The following DCBLD2 variants were observed in gnomAD, a reference collection of about 807,000 sequenced individuals.
DCBLD2 encodes discoidin, CUB and LCCL domain containing 2, also known as discoidin, CUB and LCCL domain-containing protein 2.
DCBLD2 carries 54 observed loss-of-function variants against 86.8 expected under a neutral mutation model. That is an observed-to-expected ratio of 0.62 (90% CI 0.50 to 0.78). DCBLD2 has a LOEUF of 0.78. Ranked by LOEUF, DCBLD2 falls within the 30% of genes least tolerant of loss-of-function variation. The pLI is 0.00. For missense variants in DCBLD2, 908 were observed against 954.2 expected, an observed-to-expected ratio of 0.95 and a Z score of 0.64; for synonymous variants, 354 against 341.3, an observed-to-expected ratio of 1.04 and a Z score of -0.41.
chr3:98,839,102 CTTCT>C (rs148957784), intron 3 of DCBLD2, among the ~76,000 whole-genome samples: 1,381 of 126,022 alleles, frequency 0.011, 20 homozygotes, highest in African/African-American at 0.031. Context: ...CCTGTGCTCC[CTTCT>C]TTCTTTCTTT....
intron 3 of DCBLD2, among the ~76,000 whole-genome samples, chr3:98,830,231 C>T (rs1318873483): frequency 1.3e-5 from 2 of 152,166 alleles, no homozygotes; most frequent in African/African-American, 2.4e-5. Context: ...TACAGAAGCT[C>T]TTAATTTTAA....
intron 3 of DCBLD2, among the ~76,000 whole-genome samples, chr3:98,826,362 C>T (rs1407583110): frequency 1.3e-5 from 2 of 152,186 alleles, no homozygotes; most frequent in African/African-American, 2.4e-5. Flanking sequence ...GCTGCTCTCT[C>T]GACTTGTAAG....
intron 9 of DCBLD2, chr3:98,815,680 T>G (rs1242418135): frequency 6.6e-6 from 1 of 152,080 alleles, no homozygotes; most frequent in Non-Finnish European, 1.5e-5. Flanking sequence ...GAGAAAAGCA[T>G]GAGCATGTAA....
intron 13 of DCBLD2, among the ~76,000 whole-genome samples, chr3:98,802,214 C>G (rs946714190): frequency 1.4e-4 from 22 of 152,092 alleles, no homozygotes; most frequent in Non-Finnish European, 2.6e-4. Flanking sequence ...CTCTCCAGCA[C>G]CTGTTGTTTC....
At chr3:98,800,970 C>A (rs952686821) in intron 14 of DCBLD2, among the ~76,000 whole-genome samples, 1 of 151,732 alleles carries the variant, frequency 6.6e-6, no homozygotes, top group Admixed American at 6.6e-5. Flanking sequence ...GATACAGTAT[C>A]TATTTTAGGG....
chr3:98,808,242 G>A (rs1206239805), intron 12 of DCBLD2, 68 bp from the exon 13 acceptor site: 3 of 1,352,276 alleles, frequency 2.2e-6, no homozygotes, highest in African/African-American at 1.5e-5. Flanking sequence ...AATCACTAGG[G>A]AAAATTAACC....
Position 98,811,225 on chromosome 3 carries a change from T to C in DCBLD2, c.1545A>G (p.Arg515=). The change falls in exon 12 of 16, where the codon AGA becomes AGG. Residue 515 remains arginine, a synonymous_variant. Coordinates refer to ENST00000326840, the MANE Select transcript of DCBLD2 (RefSeq NM_080927.4). ...TTACATTTGGAGTTACGGTAGTATT[T>C]CTGATATCAGGACTGGCAGTTGTTT... The part of the protein sequence containing the change: ...TEQTTASPDI[R]NTTVTPNVTK... The C allele has an allele frequency of 6.2e-7, 1 of 1,611,508 alleles. No homozygotes were observed.
intron 5 of DCBLD2, 41 bp downstream of exon 5, chr3:98,822,628 A>T: frequency 2.0e-6 from 3 of 1,512,308 alleles, no homozygotes; most frequent in Non-Finnish European, 2.7e-6. Flanking sequence ...AAAAAAATAG[A>T]GTTATATCAC....
intron 3 of DCBLD2, among the ~76,000 whole-genome samples, chr3:98,830,414 T>C (rs2107457926): frequency 6.6e-6 from 1 of 152,336 alleles, no homozygotes; most frequent in Non-Finnish European, 1.5e-5. Context: ...GATTTTTGGA[T>C]ATGATATAAG....
At position 98,867,508 on chromosome 3, in the gene DCBLD2, C is replaced by T. The variant is rs186624079; in HGVS notation, c.433+14032G>A. On this transcript the variant is annotated intron_variant, in intron 2 of 15. Transcript: ENST00000326840. Reference sequence around the variant, plus strand: ...AATCATTAAATAAGAAGTATTAAAACTATAATCCAATTCAATTTTCTAGAA... The same window carrying T: ...AATCATTAAATAAGAAGTATTAAAATTATAATCCAATTCAATTTTCTAGAA... Among the ~76,000 whole-genome samples the T allele has an allele frequency of 3.7e-3, 558 of 152,168 alleles. 3 individuals are homozygous for T. The highest frequency in any genetic ancestry group is 0.013 in the African/African-American group (529 of 41,532).
chr3:98,899,732 CT>C (rs1943816008), intron 1 of DCBLD2, among the ~76,000 whole-genome samples: 1 of 152,124 alleles, frequency 6.6e-6, no homozygotes, highest in African/African-American at 2.4e-5. Context: ...ACCTTATATT[CT>C]TTGTGTCTCA....
At position 98,799,252 on chromosome 3, in the gene DCBLD2, A is replaced by T; in HGVS notation, c.*120T>A. ...TAGTTTCCTGTACCTCAGTCACCACATTTTCCCCAACCACTTCAGTGACAG... is the reference window on the plus strand; with the variant it reads ...TAGTTTCCTGTACCTCAGTCACCACTTTTTCCCCAACCACTTCAGTGACAG... On this transcript the variant is annotated 3_prime_UTR_variant, in exon 16 of 16. Transcript: ENST00000326840. The T allele has an allele frequency of 8.8e-7, 1 of 1,135,180 alleles. No individual in the cohort carries two copies. Among genetic ancestry groups the T allele is most frequent in the Non-Finnish European group, 1.2e-6 (1 of 812,354 alleles). 70.3% of individuals were successfully genotyped at this position (1,135,180 alleles called of 1,614,324 possible). A position where few individuals can be genotyped will look rare whatever the true frequency, so the allele number is the denominator to read the frequency against.
At chr3:98,858,074 C>T (rs1234263736) in intron 2 of DCBLD2, among the ~76,000 whole-genome samples, 1 of 152,222 alleles carries the variant, frequency 6.6e-6, no homozygotes, top group Non-Finnish European at 1.5e-5. Context: ...CGGTGGGGGG[C>T]AGGCTCAGGC....
In DCBLD2 at chr3:98,804,016, T is replaced by G. The variant is rs530371383; in HGVS notation, c.1671-2367A>C. 3.9e-5 allele frequency among the ~76,000 whole-genome samples: 6 copies of G among 152,286 alleles called. No individual in the cohort carries two copies. In the South Asian group the frequency reaches 8.3e-4, roughly 21 times the overall value. On this transcript the variant is annotated intron_variant, in intron 13 of 15. Transcript: ENST00000326840. Reference sequence around the variant, plus strand: ...TTGGTCTAAAATTCTCTTTTTTTTGTTGTGTCTCTGCCAGGCTTTGGTATC... The same window carrying G: ...TTGGTCTAAAATTCTCTTTTTTTTGGTGTGTCTCTGCCAGGCTTTGGTATC...
chr3:98,880,216 A>C (rs1466828303), intron 2 of DCBLD2, among the ~76,000 whole-genome samples: 1 of 152,210 alleles, frequency 6.6e-6, no homozygotes, highest in Non-Finnish European at 1.5e-5. Flanking sequence ...TAAGAGGCCA[A>C]AAAAGTAAAG....
chr3:98,816,766 G>A (rs1430022613), intron 9 of DCBLD2, among the ~76,000 whole-genome samples: 1 of 152,088 alleles, frequency 6.6e-6, no homozygotes, highest in Non-Finnish European at 1.5e-5. Flanking sequence ...TTGAAAAAAT[G>A]TCATCATTGT....
intron 3 of DCBLD2, among the ~76,000 whole-genome samples, chr3:98,840,598 G>A (rs1438341336): frequency 6.6e-6 from 1 of 152,116 alleles, no homozygotes; most frequent in Non-Finnish European, 1.5e-5. Context: ...CTGGTCTCAA[G>A]CAATCCTCCA....
chr3:98,868,449 AATTT>A (rs1276327386), intron 2 of DCBLD2, among the ~76,000 whole-genome samples: 1 of 152,040 alleles, frequency 6.6e-6, no homozygotes, highest in Admixed American at 6.6e-5. Flanking sequence ...CTCATGTTGA[AATTT>A]ATTTATATAT....
chr3:98,849,280 C>A, intron 3 of DCBLD2, 181 bp downstream of exon 3: 1 of 693,764 alleles, frequency 1.4e-6, no homozygotes, highest in Non-Finnish European at 2.4e-6. Context: ...CGTTTATGTA[C>A]TTTTATTTTT....
Sources: gnomAD v4.1 joint callset for allele counts (sites outside exome capture counted in the v4.1 genomes callset) on GRCh38, gnomAD v4.1.1 for gene constraint, MANE v1.5 for transcripts, NCBI Gene and HGNC (gene_info 2026-07-23, HGNC 2026-07-21) for gene names.